Variants in ASAP1 observed in about 807,000 individuals in gnomAD.
ASAP1 encodes ArfGAP with SH3 domain, ankyrin repeat and PH domain 1, also known as arf-GAP with SH3 domain, ANK repeat and PH domain-containing protein 1.
In ASAP1, 43 loss-of-function variants were observed where a neutral mutation model predicts 145.2. The ratio of observed to expected loss-of-function variants is 0.30; its 90% CI spans 0.23 to 0.38. The LOEUF is 0.38. Ranked by LOEUF, ASAP1 falls within the 10% of genes least tolerant of loss-of-function variation. The pLI is 1.00. For missense variants in ASAP1, 1,018 were observed against 1,355.3 expected (o/e 0.75, Z 3.91); for synonymous variants, 546 against 515.5 (o/e 1.06, Z -0.80).
rs182977534 is a variant in ASAP1, at chr8:130,101,312, A to G, written c.2402-9169T>C. Among the ~76,000 whole-genome samples the G allele has an allele frequency of 1.1e-4, 17 of 152,212 alleles. No homozygotes were observed. In the East Asian group the frequency reaches 2.3e-3, roughly 21 times the overall value. On this transcript the variant is annotated intron_variant, in intron 24 of 29. Transcript: ENST00000518721. Reference sequence around the variant, plus strand: ...TTTAGGATTGCTTTTTTCTGTTTCTATGAGGAATGTCATTAGTATTTTGAA... The same window carrying G: ...TTTAGGATTGCTTTTTTCTGTTTCTGTGAGGAATGTCATTAGTATTTTGAA...
chr8:130,429,382 T>C (rs1830059868), intron 1 of ASAP1, among the ~76,000 whole-genome samples: 1 of 152,206 alleles, frequency 6.6e-6, no homozygotes, highest in African/African-American at 2.4e-5. Context: ...CTCACTGTTC[T>C]CCATGTCTCA....
intron 9 of ASAP1, among the ~76,000 whole-genome samples, chr8:130,173,536 C>A (rs1410372966): frequency 1.3e-5 from 2 of 152,134 alleles, no homozygotes; most frequent in Non-Finnish European, 2.9e-5. Context: ...GGGGCCAAGG[C>A]AGGACGATTG....
At chr8:130,383,387 G>A (rs1278790561) in intron 2 of ASAP1, among the ~76,000 whole-genome samples, 1 of 152,180 alleles carries the variant, frequency 6.6e-6, no homozygotes, top group East Asian at 1.9e-4. Flanking sequence ...TGTAAGCACA[G>A]AACCAGTAGA....
chr8:130,233,493 T>G (rs1818032177), intron 4 of ASAP1, among the ~76,000 whole-genome samples: 1 of 152,204 alleles, frequency 6.6e-6, no homozygotes, highest in South Asian at 2.1e-4. Flanking sequence ...AGCTTCAGTT[T>G]CATCATCTAT....
chr8:130,403,993 T>C (rs1455954778), intron 1 of ASAP1, among the ~76,000 whole-genome samples: 1 of 152,198 alleles, frequency 6.6e-6, no homozygotes, highest in Admixed American at 6.5e-5. Context: ...TTAAATATTA[T>C]ATTCTCAGAG....
intron 1 of ASAP1, among the ~76,000 whole-genome samples, chr8:130,418,323 G>A (rs1362738651): frequency 2.6e-5 from 4 of 152,320 alleles, no homozygotes; most frequent in Admixed American, 2.6e-4. Flanking sequence ...GGCCAGGCGG[G>A]CGGATCATGA....
At chr8:130,428,556 C>T (rs1451575227) in intron 1 of ASAP1, among the ~76,000 whole-genome samples, 1 of 142,002 alleles carries the variant, frequency 7.0e-6, no homozygotes, top group African/African-American at 2.6e-5. Context: ...ATATAACTAC[C>T]ACCATCATCA....
At chr8:130,120,674 G>T (rs561128959) in intron 18 of ASAP1, among the ~76,000 whole-genome samples, 1 of 152,266 alleles carries the variant, frequency 6.6e-6, no homozygotes, top group South Asian at 2.1e-4. Context: ...CAGATGCCAC[G>T]CAATTATTTG....
At chr8:130,195,768 G>A (rs530645365) in intron 5 of ASAP1, among the ~76,000 whole-genome samples, 15 of 152,248 alleles carry the variant, frequency 9.9e-5, no homozygotes, top group African/African-American at 2.4e-4. Flanking sequence ...AAAAATAGCC[G>A]TTTATTCCTT....
chr8:130,381,251 ACTC>A (rs1164746112), intron 2 of ASAP1, among the ~76,000 whole-genome samples: 1 of 151,584 alleles, frequency 6.6e-6, no homozygotes, highest in Non-Finnish European at 1.5e-5. Flanking sequence ...TTGGTCTTAA[ACTC>A]CTGGTCTCAA....
intron 27 of ASAP1, among the ~76,000 whole-genome samples, chr8:130,070,843 GA>G: frequency 1.2e-4 from 1 of 8,100 alleles, no homozygotes; most frequent in African/African-American, 7.2e-4. Context: ...GAGAGAGGGA[GA>G]GAGGGAGAGA....
At chr8:130,098,618 G>A (rs1201126580) in intron 24 of ASAP1, among the ~76,000 whole-genome samples, 1 of 152,174 alleles carries the variant, frequency 6.6e-6, no homozygotes, top group Non-Finnish European at 1.5e-5. Context: ...AAAGTGCCGA[G>A]ATTACAGGTG....
At chr8:130,057,386 A>G (rs1039818274) in intron 29 of ASAP1, among the ~76,000 whole-genome samples, 11 of 152,246 alleles carry the variant, frequency 7.2e-5, no homozygotes, top group African/African-American at 2.4e-4. Context: ...ACAAGGTTAC[A>G]TGATACCATG....
At chr8:130,306,175 TAG>T (rs1010370273) in intron 3 of ASAP1, among the ~76,000 whole-genome samples, 8 of 152,216 alleles carry the variant, frequency 5.3e-5, no homozygotes, top group South Asian at 2.1e-4. Flanking sequence ...ACGGGTTTCT[TAG>T]AGAGATTCAG....
chr8:130,106,727 A>G (rs957597462), intron 24 of ASAP1, among the ~76,000 whole-genome samples: 9 of 152,236 alleles, frequency 5.9e-5, no homozygotes, highest in African/African-American at 2.2e-4. Context: ...GCTCATTCAC[A>G]GCCCTTATCC....
chr8:130,341,964 C>T (rs1163181797), intron 3 of ASAP1, among the ~76,000 whole-genome samples: 1 of 152,200 alleles, frequency 6.6e-6, no homozygotes, highest in African/African-American at 2.4e-5. Context: ...GTGACAGGAT[C>T]TCCATGCCCA....
At position 130,260,818 on chromosome 8, in the gene ASAP1, C is replaced by T. The variant is rs202149178; in HGVS notation, c.187-23824G>A. Among the ~76,000 whole-genome samples, 9 of 152,238 alleles carry T rather than the reference C, an allele frequency of 5.9e-5. No individual in the cohort carries two copies. The East Asian group carries it at 1.5e-3, about 26-fold the overall frequency. On this transcript the variant is annotated intron_variant, in intron 3 of 29. Coordinates refer to ENST00000518721, the MANE Select transcript of ASAP1 (RefSeq NM_018482.4). ...AAAGGAATACCAGGGCACATCCAGC[C>T]ACGGGATGAACACAGGCACTGAAGA...
chr8:130,384,858 C>T (rs183577810), intron 2 of ASAP1, among the ~76,000 whole-genome samples: 2 of 152,318 alleles, frequency 1.3e-5, no homozygotes, highest in African/African-American at 4.8e-5. Context: ...CTACATCCTC[C>T]AAGCTATGCA....
chr8:130,357,966 T>C, intron 3 of ASAP1, 51 bp downstream of exon 3: 1 of 1,557,208 alleles, frequency 6.4e-7, no homozygotes, highest in Non-Finnish European at 8.7e-7. Context: ...ATCCTCCAGC[T>C]GCGCGGCGGC....
Sources: gnomAD v4.1 joint callset for allele counts (sites outside exome capture counted in the v4.1 genomes callset) on GRCh38, gnomAD v4.1.1 for gene constraint, MANE v1.5 for transcripts, NCBI Gene and HGNC (gene_info 2026-07-23, HGNC 2026-07-21) for gene names.